Variants in PRKN observed in about 807,000 individuals in gnomAD.
PRKN encodes parkin RBR E3 ubiquitin protein ligase, also known as E3 ubiquitin-protein ligase parkin.
PRKN carries 56 observed loss-of-function variants against 59.5 expected under a neutral mutation model. The observed-to-expected ratio is 0.94, with a 90% CI of 0.76 to 1.18. The LOEUF is 1.18. Among genes scored for constraint, PRKN ranks in the 50% most tolerant of loss-of-function variants. The probability of loss-of-function intolerance (pLI) is 0.00; values close to 1 mark genes in which losing one functional copy is unlikely to be tolerated. For synonymous variants in PRKN, 250 were observed against 222.1 expected (o/e 1.13, Z -1.12); for missense variants, 657 against 596.4 (o/e 1.10, Z -1.06).
chr6:161,501,137 G>A (rs115388094), intron 9 of PRKN, among the ~76,000 whole-genome samples: 1 of 152,082 alleles, frequency 6.6e-6, no homozygotes, highest in Non-Finnish European at 1.5e-5. Context: ...CCTCCCAAGC[G>A]CTGGGATTAC....
intron 7 of PRKN, among the ~76,000 whole-genome samples, chr6:161,714,980 C>T (rs978380979): frequency 2.0e-5 from 3 of 152,180 alleles, no homozygotes; most frequent in East Asian, 3.9e-4. Flanking sequence ...CATATTTGAA[C>T]GGTATTCTTA....
chr6:161,541,103 G>A (rs1014350064), intron 9 of PRKN, among the ~76,000 whole-genome samples: 2 of 152,128 alleles, frequency 1.3e-5, no homozygotes, highest in African/African-American at 4.8e-5. Flanking sequence ...TTGGACAGAC[G>A]TCCCTGTCCT....
chr6:162,550,832 G>A (rs1347441054), intron 1 of PRKN, among the ~76,000 whole-genome samples: 1 of 152,128 alleles, frequency 6.6e-6, no homozygotes, highest in Non-Finnish European at 1.5e-5. Context: ...TGCTGCGACG[G>A]TGCCATGTCA....
intron 2 of PRKN, among the ~76,000 whole-genome samples, chr6:162,397,729 A>G (rs1447140167): frequency 4.6e-5 from 7 of 152,090 alleles, no homozygotes; most frequent in African/African-American, 7.2e-5. Context: ...AGAAGAGCAC[A>G]CTCGGCAGTA....
rs908881553 is a variant in PRKN at position 161,526,513 on chromosome 6, C to A, written c.1083+22341G>T. On this transcript the variant is annotated intron_variant, in intron 9 of 11. Coordinates refer to ENST00000366898, the MANE Select transcript of PRKN (RefSeq NM_004562.3). The surrounding 1 kb of genome is among the most constrained non-coding windows in gnomAD (Gnocchi z 4.1). ...TTGCTAATTCTTTCTTGTTTACATG[C>A]TATAACCATTAGAAGCTCTGCTAAC... Among the ~76,000 whole-genome samples, 1 of 151,426 alleles carries A rather than the reference C, an allele frequency of 6.6e-6. No homozygotes were observed. The highest frequency in any genetic ancestry group is 6.6e-5 in the Admixed American group (1 of 15,192).
chr6:162,549,304 G>A (rs1034856368), intron 1 of PRKN, among the ~76,000 whole-genome samples: 10 of 152,066 alleles, frequency 6.6e-5, no homozygotes, highest in South Asian at 6.2e-4. Context: ...TTTATAAGCC[G>A]TCTATGGTAA....
At chr6:162,316,038 G>T (rs1242508786) in intron 2 of PRKN, among the ~76,000 whole-genome samples, 2 of 150,754 alleles carry the variant, frequency 1.3e-5, no homozygotes. Flanking sequence ...TAATGCTGGA[G>T]ATGGCCCTGG....
chr6:161,492,124 T>C (rs965424064), intron 9 of PRKN, among the ~76,000 whole-genome samples: 26 of 138,392 alleles, frequency 1.9e-4, no homozygotes, highest in Admixed American at 8.2e-4. Context: ...TAAATATCAC[T>C]CTATAAGTGA....
intron 6 of PRKN, among the ~76,000 whole-genome samples, chr6:161,803,150 A>C (rs1459746836): frequency 6.6e-6 from 1 of 152,184 alleles, no homozygotes; most frequent in Non-Finnish European, 1.5e-5. Context: ...CTTAGCCTCC[A>C]AACACTTGAG....
At chr6:161,614,037 T>G (rs1206527076) in intron 7 of PRKN, among the ~76,000 whole-genome samples, 1 of 152,168 alleles carries the variant, frequency 6.6e-6, no homozygotes, top group South Asian at 2.1e-4. Flanking sequence ...TTCCTTGCTG[T>G]CTACCTGGAG....
intron 2 of PRKN, among the ~76,000 whole-genome samples, chr6:162,264,551 G>A (rs4709588): frequency 0.093 from 14,187 of 151,844 alleles, 781 homozygotes; most frequent in South Asian, 0.26. Context: ...AGGGCACCAG[G>A]ACACCCTTCG....
intron 7 of PRKN, among the ~76,000 whole-genome samples, chr6:161,610,010 CA>C (rs993880927): frequency 6.6e-6 from 1 of 151,788 alleles, no homozygotes; most frequent in African/African-American, 2.4e-5. Context: ...ACAAAATAAG[CA>C]AAAAAAATTT....
chr6:162,344,495 G>T (rs552116728), intron 2 of PRKN, among the ~76,000 whole-genome samples: 2 of 151,962 alleles, frequency 1.3e-5, no homozygotes, highest in South Asian at 2.1e-4. Context: ...GGGGTGTTAC[G>T]TGCTGGAAAC....
chr6:162,592,114 C>G (rs1038708277), intron 1 of PRKN, among the ~76,000 whole-genome samples: 3 of 152,178 alleles, frequency 2.0e-5, no homozygotes, highest in Non-Finnish European at 4.4e-5. Flanking sequence ...ATTCTCCTGC[C>G]TTGGCCTCCC....
intron 1 of PRKN, among the ~76,000 whole-genome samples, chr6:162,616,237 G>A (rs1782407893): frequency 6.6e-6 from 1 of 152,120 alleles, no homozygotes; most frequent in Non-Finnish European, 1.5e-5. Flanking sequence ...TCCCATAGTA[G>A]TTCATGGTAG....
chr6:162,032,802 A>G (rs1303174917), intron 5 of PRKN, among the ~76,000 whole-genome samples: 2 of 152,188 alleles, frequency 1.3e-5, no homozygotes, highest in Non-Finnish European at 2.9e-5. Flanking sequence ...AGAATGAGAA[A>G]CCACACTTAC....
At chr6:161,967,996 G>A (rs1780645730) in intron 6 of PRKN, among the ~76,000 whole-genome samples, 1 of 151,990 alleles carries the variant, frequency 6.6e-6, no homozygotes, top group Non-Finnish European at 1.5e-5. Flanking sequence ...GAAGATATAA[G>A]CCAGTGATGG....
At chr6:161,691,784 G>A (rs555982878) in intron 7 of PRKN, among the ~76,000 whole-genome samples, 2 of 152,306 alleles carry the variant, frequency 1.3e-5, no homozygotes, top group South Asian at 4.1e-4. Context: ...GCAGAGCATT[G>A]CTCTTTCATC....
At chr6:162,602,770 T>G (rs114549593) in intron 1 of PRKN, among the ~76,000 whole-genome samples, 4,107 of 152,270 alleles carry the variant, frequency 0.027, 194 homozygotes, top group African/African-American at 0.095. Context: ...TCAGGTAAGC[T>G]CTTTTCAAAA....
Sources: allele counts gnomAD v4.1 joint callset (sites outside exome capture counted in the v4.1 genomes callset), GRCh38; gene constraint gnomAD v4.1.1; non-coding constraint Gnocchi (gnomAD v3.1); transcripts MANE v1.5; gene names NCBI Gene and HGNC (gene_info 2026-07-23, HGNC 2026-07-21).